The following HS6ST3 variants were observed in gnomAD, a reference collection of about 807,000 sequenced individuals.
HS6ST3 encodes the protein heparan sulfate 6-O-sulfotransferase 3.
In HS6ST3, 12 loss-of-function variants were observed where a neutral mutation model predicts 36.7. The observed-to-expected ratio is 0.33, with a 90% confidence interval of 0.21 to 0.53. The LOEUF (loss-of-function observed/expected upper bound fraction) is 0.53, where lower values mean the gene tolerates loss of function less well. Among genes scored for constraint, HS6ST3 ranks in the 20% least tolerant of loss-of-function variants. The pLI is 0.95. For synonymous variants in HS6ST3, 240 were observed against 257.5 expected, an observed-to-expected ratio of 0.93 and a Z score of 0.65; for missense variants, 584 against 640.9, an observed-to-expected ratio of 0.91 and a Z score of 0.96.
At chr13:96,235,874 T>G (rs1250644569) in intron 1 of HS6ST3, among the ~76,000 whole-genome samples, 1 of 152,078 alleles carries the variant, frequency 6.6e-6, no homozygotes, top group Non-Finnish European at 1.5e-5. Context: ...GGAGGGGAGT[T>G]CATTAGGAGA....
At chr13:96,411,296 G>A (rs1294867529) in intron 1 of HS6ST3, among the ~76,000 whole-genome samples, 1 of 152,158 alleles carries the variant, frequency 6.6e-6, no homozygotes, top group Non-Finnish European at 1.5e-5. Flanking sequence ...TGGCAGCCTG[G>A]GAACAGGTGG....
At chr13:96,265,842 T>C (rs1193817760) in intron 1 of HS6ST3, among the ~76,000 whole-genome samples, 2 of 152,172 alleles carry the variant, frequency 1.3e-5, no homozygotes, top group East Asian at 3.9e-4. Flanking sequence ...ACTCAAGATA[T>C]AATGTAAACA....
At chr13:96,633,523 G>A (rs1382732227) in intron 1 of HS6ST3, among the ~76,000 whole-genome samples, 1 of 152,164 alleles carries the variant, frequency 6.6e-6, no homozygotes, top group East Asian at 1.9e-4. Context: ...AGACCTAGAG[G>A]TATAATGGAC....
intron 1 of HS6ST3, among the ~76,000 whole-genome samples, chr13:96,349,931 G>A (rs2055173988): frequency 6.6e-6 from 1 of 152,164 alleles, no homozygotes; most frequent in South Asian, 2.1e-4. Context: ...TCTAACTCCA[G>A]TTCAGGTGGT....
chr13:96,598,900 C>G (rs958421184), intron 1 of HS6ST3, among the ~76,000 whole-genome samples: 41 of 152,144 alleles, frequency 2.7e-4, no homozygotes, highest in African/African-American at 8.9e-4. Context: ...TGGATTTTAT[C>G]AATATTTTTC....
intron 1 of HS6ST3, among the ~76,000 whole-genome samples, chr13:96,388,297 T>G (rs2055378437): frequency 6.6e-6 from 1 of 152,220 alleles, no homozygotes; most frequent in African/African-American, 2.4e-5. Flanking sequence ...GAATTGTAAT[T>G]AAAAGAATTT....
chr13:96,491,657 C>A (rs2055946374), intron 1 of HS6ST3, among the ~76,000 whole-genome samples: 1 of 152,044 alleles, frequency 6.6e-6, no homozygotes, highest in Non-Finnish European at 1.5e-5. Flanking sequence ...TGGGACCCAC[C>A]AGGCCAGTTC....
intron 1 of HS6ST3, among the ~76,000 whole-genome samples, chr13:96,594,226 C>A (rs1013824815): frequency 6.6e-6 from 1 of 151,984 alleles, no homozygotes; most frequent in Admixed American, 6.6e-5. Flanking sequence ...CCGGCTTGGC[C>A]TCCCAAAGTG....
chr13:96,096,923 G>A (rs1459684709), intron 1 of HS6ST3, among the ~76,000 whole-genome samples: 1 of 152,128 alleles, frequency 6.6e-6, no homozygotes, highest in Admixed American at 6.5e-5. Flanking sequence ...TTTACCATAA[G>A]GTTTTTGTAG....
At chr13:96,100,399 G>C (rs1481777397) in intron 1 of HS6ST3, among the ~76,000 whole-genome samples, 2 of 152,146 alleles carry the variant, frequency 1.3e-5, no homozygotes, top group African/African-American at 4.8e-5. Flanking sequence ...TAGTTTGAGA[G>C]GTATGGACAG....
At chr13:96,335,295 C>T (rs1443209923) in intron 1 of HS6ST3, among the ~76,000 whole-genome samples, 1 of 152,172 alleles carries the variant, frequency 6.6e-6, no homozygotes, top group African/African-American at 2.4e-5. Context: ...TTTCTAGAGT[C>T]ACCCAGACCT....
chr13:96,740,310 T>C (rs1876405997), intron 1 of HS6ST3, among the ~76,000 whole-genome samples: 1 of 152,148 alleles, frequency 6.6e-6, no homozygotes, highest in African/African-American at 2.4e-5. Flanking sequence ...ATGGCATAGT[T>C]CTGGAAGGAT....
intron 1 of HS6ST3, among the ~76,000 whole-genome samples, chr13:96,434,942 A>G (rs2055634217): frequency 6.6e-6 from 1 of 152,064 alleles, no homozygotes. Flanking sequence ...CCTATAATGG[A>G]GTTGTTTGTC....
At chr13:96,359,916 T>G (rs1167455659) in intron 1 of HS6ST3, among the ~76,000 whole-genome samples, 2 of 151,732 alleles carry the variant, frequency 1.3e-5, no homozygotes, top group African/African-American at 4.8e-5. Context: ...GAAGCAGGAG[T>G]TGACATGGAA....
At chr13:96,238,870 TA>T (rs1474799420) in intron 1 of HS6ST3, among the ~76,000 whole-genome samples, 1 of 152,160 alleles carries the variant, frequency 6.6e-6, no homozygotes, top group Non-Finnish European at 1.5e-5. Flanking sequence ...AGAGAAAGGG[TA>T]AAAATGATCC....
chr13:96,574,085 A>T, intron 1 of HS6ST3: 1 of 541,504 alleles, frequency 1.8e-6, no homozygotes, highest in Non-Finnish European at 3.7e-6. Flanking sequence ...CTGCATTGGG[A>T]CCTTCTCAGC....
At chr13:96,199,170 CAT>C (rs895251336) in intron 1 of HS6ST3, among the ~76,000 whole-genome samples, 5 of 152,162 alleles carry the variant, frequency 3.3e-5, no homozygotes, top group Non-Finnish European at 7.3e-5. Context: ...CCTCCCACAA[CAT>C]GTGAGAATTC....
At chr13:96,435,166 C>T (rs1594779588) in intron 1 of HS6ST3, among the ~76,000 whole-genome samples, 1 of 152,186 alleles carries the variant, frequency 6.6e-6, no homozygotes, top group Non-Finnish European at 1.5e-5. Flanking sequence ...ATTTGACCAA[C>T]AGCTCATGTG....
intron 1 of HS6ST3, among the ~76,000 whole-genome samples, chr13:96,476,276 T>C (rs2055863534): frequency 6.6e-6 from 1 of 152,198 alleles, no homozygotes; most frequent in African/African-American, 2.4e-5. Flanking sequence ...TAGGGGTCTT[T>C]AGACACGTAC....
Sources: gnomAD v4.1 joint callset for allele counts (sites outside exome capture counted in the v4.1 genomes callset) on GRCh38, gnomAD v4.1.1 for gene constraint, MANE v1.5 for transcripts, NCBI Gene and HGNC (gene_info 2026-07-23, HGNC 2026-07-21) for gene names.